Variants in MROH2B observed in about 807,000 individuals in gnomAD.
The protein encoded by MROH2B is maestro heat like repeat family member 2B, also known as maestro heat-like repeat-containing protein family member 2B.
MROH2B carries 177 observed loss-of-function variants against 208.6 expected under a neutral mutation model. The ratio of observed to expected loss-of-function variants is 0.85; its 90% confidence interval spans 0.75 to 0.96. The LOEUF is 0.96. MROH2B is among the 40% of genes least tolerant of loss of function. The pLI is 0.00. For synonymous variants in MROH2B, 728 were observed against 659.0 expected (o/e 1.10, Z -1.60); for missense variants, 2,002 against 1,878.7 (o/e 1.07, Z -1.21).
In MROH2B at chr5:41,048,312, A is replaced by G. The variant is rs1743184097; in HGVS notation, c.1684+12T>C. ...GCCCCCTGGGTAAAGACCTGGCCCC[A>G]ATCCCTTGTACCTTCCAGAGGCTGC... On this transcript the variant is annotated intron_variant, in intron 16 of 41. Coordinates refer to ENST00000399564, the MANE Select transcript of MROH2B (RefSeq NM_173489.5). The G allele has an allele frequency of 1.2e-6, 2 of 1,601,796 alleles. No individual in the cohort carries two copies. Among genetic ancestry groups the G allele is most frequent in the Admixed American group, 1.7e-5 (1 of 57,418 alleles).
chr5:41,049,029 G>A, intron 15 of MROH2B, 72 bp downstream of exon 15: 1 of 1,402,760 alleles, frequency 7.1e-7, no homozygotes, highest in South Asian at 1.3e-5. Flanking sequence ...ATTTATATTA[G>A]CACTTATTTG....
At chr5:41,064,715 A>G in intron 4 of MROH2B, 145 bp from the exon 5 acceptor site, 2 of 578,958 alleles carry the variant, frequency 3.5e-6, no homozygotes, top group South Asian at 4.8e-5. Flanking sequence ...TAATTCCGCC[A>G]TCTCTACCCC....
At chr5:41,019,095 C>A in intron 24 of MROH2B, 77 bp from the exon 25 acceptor site, 3 of 1,561,754 alleles carry the variant, frequency 1.9e-6, no homozygotes, top group South Asian at 2.3e-5. Context: ...CCAAGAACTG[C>A]CAATCACATC....
intron 12 of MROH2B, 37 bp from the exon 13 acceptor site, chr5:41,051,127 T>C: frequency 1.4e-6 from 2 of 1,384,600 alleles, no homozygotes; most frequent in Middle Eastern, 1.8e-4. Context: ...TGTTAATGAC[T>C]CCTAAGGTTG....
chr5:41,045,680 G>A (rs977967997), intron 18 of MROH2B, 66 bp downstream of exon 18: 2 of 1,169,174 alleles, frequency 1.7e-6, no homozygotes, highest in Admixed American at 1.7e-5. Context: ...CAGACAAGAT[G>A]GAGCTAGAGC....
intron 18 of MROH2B, 54 bp downstream of exon 18, chr5:41,045,692 G>T: frequency 7.5e-7 from 1 of 1,335,524 alleles, no homozygotes; most frequent in Non-Finnish European, 1.1e-6. Flanking sequence ...AGCTAGAGCA[G>T]CCATTTTGGA....
At chr5:41,019,390 T>C (rs147792228) in intron 24 of MROH2B, among the ~76,000 whole-genome samples, 6 of 152,242 alleles carry the variant, frequency 3.9e-5, no homozygotes, top group African/African-American at 1.2e-4. Flanking sequence ...GAGAGAGATA[T>C]GTATCTCCTC....
intron 15 of MROH2B, 89 bp downstream of exon 15, chr5:41,049,012 C>G: frequency 8.0e-7 from 1 of 1,256,710 alleles, no homozygotes; most frequent in Non-Finnish European, 1.1e-6. Context: ...TTTGGAGTAT[C>G]TATGTAATTT....
chr5:41,033,203 C>A (rs770561021), intron 22 of MROH2B, 43 bp from the exon 23 acceptor site: 2 of 1,605,072 alleles, frequency 1.2e-6, no homozygotes, highest in East Asian at 2.2e-5. Context: ...GTCTAAGACA[C>A]CACACTCAGG....
chr5:41,000,713 G>C lies in MROH2B; in HGVS notation c.4315C>G (p.Leu1439Val). Residue 1439 changes from leucine to valine, a missense_variant, in exon 38 of 42, where the codon CTG becomes GTG. Transcript: ENST00000399564. The stretch of plus-strand genomic sequence containing the variant: ...TTGGGGTTGGGATCCCAAAGGTGCA[G>C]AAGGAATGAAATCAGGCTCTTTTTT... ...EIKKSLISFLLHLWDPNPKIG... is the reference protein window; with the variant it reads ...EIKKSLISFLVHLWDPNPKIG... The C allele has an allele frequency of 6.2e-7, 1 of 1,612,662 alleles. No homozygotes were observed. Among genetic ancestry groups the C allele is most frequent in the Non-Finnish European group, 8.5e-7 (1 of 1,179,432 alleles).
chr5:41,050,167 A>T (rs1249756114), intron 13 of MROH2B, among the ~76,000 whole-genome samples: 1 of 152,110 alleles, frequency 6.6e-6, no homozygotes, highest in Non-Finnish European at 1.5e-5. Context: ...TAGTCTACTC[A>T]TGTGTGAATC....
At chr5:41,021,811 A>C (rs956223689) in intron 24 of MROH2B, among the ~76,000 whole-genome samples, 8 of 152,124 alleles carry the variant, frequency 5.3e-5, no homozygotes, top group African/African-American at 1.9e-4. Context: ...CAGGAGGTCA[A>C]GGTGCAGTAA....
intron 21 of MROH2B, among the ~76,000 whole-genome samples, chr5:41,037,854 T>A (rs1453558341): frequency 6.6e-6 from 1 of 152,230 alleles, no homozygotes; most frequent in Non-Finnish European, 1.5e-5. Context: ...AGCTACATTT[T>A]ACACTTGATT....
chr5:41,042,229 A>C, intron 18 of MROH2B, 21 bp from the exon 19 acceptor site: 1 of 1,416,458 alleles, frequency 7.1e-7, no homozygotes, highest in Non-Finnish European at 9.8e-7. Context: ...AAAGATAAGC[A>C]ACAGGATTTT....
At position 41,000,352 on chromosome 5, in the gene MROH2B, C is replaced by T; in HGVS notation, c.4351-1G>A. The T allele has an allele frequency of 6.2e-7, 1 of 1,612,868 alleles. No individual in the cohort carries two copies. Among genetic ancestry groups the T allele is most frequent in the Non-Finnish European group, 8.5e-7 (1 of 1,179,550 alleles). On this transcript the variant is annotated splice_acceptor_variant, in intron 38 of 41. Transcript: ENST00000399564. LOFTEE classifies it high-confidence loss of function. ...AGACCATCAAGACATCACGGCAAGCCTGGAAAACAGAGTTTTCTGCATCAC... is the reference window on the plus strand; with the variant it reads ...AGACCATCAAGACATCACGGCAAGCTTGGAAAACAGAGTTTTCTGCATCAC...
Position 41,061,564 on chromosome 5 carries a change from A to G in MROH2B, c.615+6T>C. 6.2e-7 allele frequency: 1 copy of G among 1,605,158 alleles called. No homozygotes were observed. The highest frequency in any genetic ancestry group is 8.5e-7 in the Non-Finnish European group (1 of 1,175,724). ...TCCAGCTTGAGGCATCCTGAGGCCCACTCACCTGCATGGGTGAGGCCAAAG... is the reference window on the plus strand; with the variant it reads ...TCCAGCTTGAGGCATCCTGAGGCCCGCTCACCTGCATGGGTGAGGCCAAAG... On this transcript the variant is annotated splice_donor_region_variant and intron_variant, in intron 6 of 41. Coordinates refer to ENST00000399564, the MANE Select transcript of MROH2B (RefSeq NM_173489.5).
intron 28 of MROH2B, among the ~76,000 whole-genome samples, chr5:41,017,000 C>G (rs1165206700): frequency 3.3e-5 from 5 of 152,154 alleles, no homozygotes; most frequent in Non-Finnish European, 5.9e-5. Flanking sequence ...AATATTGGAA[C>G]TGCAATATCT....
intron 13 of MROH2B, among the ~76,000 whole-genome samples, chr5:41,049,705 C>A (rs761545452): frequency 6.6e-6 from 1 of 152,040 alleles, no homozygotes. Context: ...AGGGACTGCT[C>A]GAGACACTAG....
intron 30 of MROH2B, among the ~76,000 whole-genome samples, chr5:41,011,495 C>CA (rs1435020029): frequency 6.6e-6 from 1 of 152,140 alleles, no homozygotes; most frequent in Admixed American, 6.5e-5. Flanking sequence ...TAAATGTTTT[C>CA]AAAAACACTT....
Sources: allele counts gnomAD v4.1 joint callset (sites outside exome capture counted in the v4.1 genomes callset), GRCh38; gene constraint gnomAD v4.1.1; transcripts MANE v1.5; gene names NCBI Gene and HGNC (gene_info 2026-07-23, HGNC 2026-07-21).